CFAP74: variants seen among roughly 807,000 people sequenced by gnomAD.
The protein encoded by CFAP74 is cilia- and flagella-associated protein 74.
Under a neutral mutation model 188.9 loss-of-function variants are expected in CFAP74, and 124 were observed. That is an observed-to-expected ratio of 0.66 (90% confidence interval 0.57 to 0.76). The LOEUF (loss-of-function observed/expected upper bound fraction) is 0.76. CFAP74 is among the 30% of genes least tolerant of loss of function. CFAP74 has a pLI of 0.00. For missense variants in CFAP74, 2,198 were observed against 2,165.2 expected (o/e 1.02, Z -0.30); for synonymous variants, 956 against 916.7 (o/e 1.04, Z -0.77).
rs367731790 is a variant in CFAP74 at position 1,923,010 on chromosome 1, C to T, written c.4658G>A (p.Arg1553Gln). 19 of 1,592,086 alleles carry T rather than the reference C, an allele frequency of 1.2e-5. No individual in the cohort carries two copies. Among genetic ancestry groups the T allele is most frequent in the East Asian group, 4.5e-5 (2 of 44,656 alleles). The change falls in exon 37 of 39, where the codon CGG becomes CAG. Residue 1553 changes from arginine to glutamine, a missense_variant. Coordinates refer to ENST00000682832, the MANE Select transcript of CFAP74 (RefSeq NM_001304360.2). The surrounding 1 kb of genome is among the most constrained non-coding windows in gnomAD (Gnocchi z 6.3). ...CTTCTTTGGAGATGGCTGGGTGGTC[C>T]GGATACAGCCCACCTGCAGCTCTCG... ...ATRELQVGCI[R>Q]TTQPSPKKTV...
intron 18 of CFAP74, among the ~76,000 whole-genome samples, chr1:1,948,972 CCT>C (rs1654007396): frequency 1.5e-5 from 1 of 68,022 alleles, no homozygotes; most frequent in East Asian, 6.0e-4. Flanking sequence ...CTTCCTTCCT[CCT>C]TCCCTCCCTC....
intron 9 of CFAP74, among the ~76,000 whole-genome samples, chr1:1,971,114 CACAT>C (rs1655980930): frequency 6.7e-6 from 1 of 150,174 alleles, no homozygotes; most frequent in African/African-American, 2.4e-5. Context: ...CGTGTGCACA[CACAT>C]GCTCACACGT....
At position 1,923,747 on chromosome 1, in the gene CFAP74, G is replaced by C. The variant is rs1231033398; in HGVS notation, c.4389+28C>G. On this transcript the variant is annotated intron_variant, in intron 35 of 38. Transcript: ENST00000682832. The surrounding 1 kb of genome is among the most constrained non-coding windows in gnomAD (Gnocchi z 6.3). Reference sequence around the variant, plus strand: ...CCTGCGTGGGGCCAGGGCCGGGCCGGGCTGAGCTTGCAGAGCCAGAGCCGC... The same window carrying C: ...CCTGCGTGGGGCCAGGGCCGGGCCGCGCTGAGCTTGCAGAGCCAGAGCCGC... The C allele has an allele frequency of 6.2e-7, 1 of 1,612,976 alleles. No individual in the cohort carries two copies. The highest frequency in any genetic ancestry group is 8.5e-7 in the Non-Finnish European group (1 of 1,179,814).
intron 1 of CFAP74, among the ~76,000 whole-genome samples, chr1:2,001,742 T>C (rs1390932505): frequency 2.0e-5 from 3 of 152,156 alleles, no homozygotes; most frequent in African/African-American, 7.2e-5. Flanking sequence ...GTGACCACTG[T>C]GAGCCACTGA....
rs546268061 is a variant in CFAP74, at chr1:1,924,455, C to G, written c.4170G>C (p.Arg1390=). 4 of 1,589,306 alleles carry G rather than the reference C, an allele frequency of 2.5e-6. No individual in the cohort carries two copies. The highest frequency in any genetic ancestry group is 3.4e-6 in the Non-Finnish European group (4 of 1,170,836). The stretch of plus-strand genomic sequence containing the variant: ...GCGGCAGCTGCTGCTGGCCCCGGCC[C>G]CGGGTGCTGGAGAGGCTGTCCAGGT... ...SMHLDSLSST[R]GRGQQQLPQF... The change falls in exon 34 of 39, where the codon CGG becomes CGC. Residue 1390 remains arginine (R), a synonymous_variant. Transcript: ENST00000682832.
intron 16 of CFAP74, among the ~76,000 whole-genome samples, chr1:1,957,774 C>T (rs1053655002): frequency 1.8e-5 from 2 of 111,726 alleles, no homozygotes; most frequent in Non-Finnish European, 3.2e-5. Flanking sequence ...TGCGGGGGGG[C>T]GGGGGACTTC....
intron 1 of CFAP74, 141 bp from the exon 2 acceptor site, chr1:1,991,116 A>G (rs28542278): frequency 0.044 from 26,258 of 594,744 alleles, 3,395 homozygotes; most frequent in African/African-American, 0.34. Context: ...CATATCTGAC[A>G]CAAGTCTTAC....
chr1:1,993,459 T>C (rs1657715082), intron 1 of CFAP74, among the ~76,000 whole-genome samples: 1 of 151,480 alleles, frequency 6.6e-6, no homozygotes, highest in African/African-American at 2.4e-5. Flanking sequence ...CTGATTTTTG[T>C]ATTTTCTGTA....
chr1:2,001,667 G>A (rs1658217594), intron 1 of CFAP74, among the ~76,000 whole-genome samples: 1 of 152,194 alleles, frequency 6.6e-6, no homozygotes, highest in African/African-American at 2.4e-5. Context: ...ACTTCCCAGT[G>A]GAGATGTTGG....
At position 1,973,042 on chromosome 1, in the gene CFAP74, G is replaced by T. The variant is rs779962729; in HGVS notation, c.680C>A (p.Ser227Tyr). 1 of 1,612,912 alleles carries T rather than the reference G, an allele frequency of 6.2e-7. No individual in the cohort carries two copies. Among genetic ancestry groups the T allele is most frequent in the Non-Finnish European group, 8.5e-7 (1 of 1,179,200 alleles). Residue 227 changes from serine (S) to tyrosine (Y), a missense_variant, in exon 8 of 39, where the codon TCC (serine) becomes TAC (tyrosine). Physicochemically the swap from Ser to Tyr is moderately radical, Grantham distance 144. Coordinates refer to ENST00000682832, the MANE Select transcript of CFAP74 (RefSeq NM_001304360.2). The surrounding 1 kb of genome is among the most constrained non-coding windows in gnomAD (Gnocchi z 6.2). Reference sequence around the variant, plus strand: ...CCCGAGCTCCTTCTGGGTGTTCAGGGACTTCCTGTGGGGATATGGGGCCGT... The same window carrying T: ...CCCGAGCTCCTTCTGGGTGTTCAGGTACTTCCTGTGGGGATATGGGGCCGT... ...ERNRLLRIRKSLNTQKELGLR... is the reference protein window; with the variant it reads ...ERNRLLRIRKYLNTQKELGLR...
chr1:1,937,392 G>A (rs1022558650), intron 25 of CFAP74, among the ~76,000 whole-genome samples: 3 of 152,184 alleles, frequency 2.0e-5, no homozygotes, highest in Non-Finnish European at 4.4e-5. Context: ...AACGCACCTG[G>A]CGTCTTCAAT....
chr1:1,930,075 G>A lies in CFAP74; in HGVS notation c.3273C>T (p.Thr1091=), dbSNP rs1187593562. ...CCACACCCACCTTTCCTGGCCACAC[G>A]GTCCCCACTGAGGGCGAGATGGTGA... ...SPITISPSVG[T]VWPGKRCLVQ... The change falls in exon 26 of 39, where the codon ACC becomes ACT. Residue 1091 remains threonine, a synonymous_variant. Transcript: ENST00000682832. 5.2e-6 allele frequency: 8 copies of A among 1,524,668 alleles called. No individual in the cohort carries two copies. Among genetic ancestry groups the A allele is most frequent in the South Asian group, 2.4e-5 (2 of 83,484 alleles). 94.4% of individuals were successfully genotyped at this position (1,524,668 alleles called of 1,614,324 possible). A position where few individuals can be genotyped will look rare whatever the true frequency, so the allele number is the denominator to read the frequency against.
chr1:1,944,369 A>G lies in CFAP74; in HGVS notation c.2448T>C (p.Tyr816=). 6.5e-7 allele frequency: 1 copy of G among 1,536,070 alleles called. No individual in the cohort carries two copies. The highest frequency in any genetic ancestry group is 8.7e-7 in the Non-Finnish European group (1 of 1,146,896). ...GCACAGAGTCCTGGTAGAGCCGGTCATACATGCAGATCTTCAGGTCCACGC... is the reference window on the plus strand; with the variant it reads ...GCACAGAGTCCTGGTAGAGCCGGTCGTACATGCAGATCTTCAGGTCCACGC... The part of the protein sequence containing the change: ...KPSVDLKICM[Y]DRLYQDSVLV... Residue 816 remains tyrosine (Y), a synonymous_variant, in exon 21 of 39, where the codon TAT becomes TAC. Transcript: ENST00000682832.
chr1:1,948,010 T>C (rs1342240218), intron 18 of CFAP74, among the ~76,000 whole-genome samples: 4 of 152,096 alleles, frequency 2.6e-5, no homozygotes, highest in Non-Finnish European at 2.9e-5. Context: ...GTAGCTGGGA[T>C]TACACGCACC....
chr1:1,971,183 G>A (rs35519326), intron 9 of CFAP74, among the ~76,000 whole-genome samples: 31,802 of 146,334 alleles, frequency 0.22, 3,458 homozygotes, highest in Middle Eastern at 0.38. Context: ...CTGCACACAC[G>A]TGCACAGACG....
chr1:1,924,454 C>CCCGGGTGCTGGAGAGGCTGT lies in CFAP74; in HGVS notation c.4151_4170dup (p.Gly1391ThrfsTer88), dbSNP rs1553214878. On this transcript the variant is annotated frameshift_variant, in exon 34 of 39. Coordinates refer to ENST00000682832, the MANE Select transcript of CFAP74 (RefSeq NM_001304360.2). LOFTEE classifies it high-confidence loss of function. ...TGCGGCAGCTGCTGCTGGCCCCGGC[C>CCCGGGTGCTGGAGAGGCTGT]CCGGGTGCTGGAGAGGCTGTCCAGG... 1.9e-6 allele frequency: 3 copies of CCCGGGTGCTGGAGAGGCTGT among 1,584,570 alleles called. No homozygotes were observed. Among genetic ancestry groups the CCCGGGTGCTGGAGAGGCTGT allele is most frequent in the Non-Finnish European group, 2.6e-6 (3 of 1,168,124 alleles).
chr1:1,993,295 A>AT (rs1252757548), intron 1 of CFAP74, among the ~76,000 whole-genome samples: 5 of 144,732 alleles, frequency 3.5e-5, no homozygotes, highest in African/African-American at 1.0e-4. Context: ...ACTTTCTTTT[A>AT]TTTTTTTGAG....
chr1:2,002,428 T>C (rs4434797), intron 1 of CFAP74, among the ~76,000 whole-genome samples: 131,076 of 151,196 alleles, frequency 0.87, 57,259 homozygotes, highest in African/African-American at 0.97. Context: ...CGCCTGTAAT[T>C]CCAGCACTTT....
chr1:1,952,580 G>A (rs1439128493), intron 18 of CFAP74, among the ~76,000 whole-genome samples: 3 of 138,796 alleles, frequency 2.2e-5, no homozygotes, highest in African/African-American at 8.8e-5. Context: ...AAGAGAGAAA[G>A]AAGCAAAGAA....
Sources: gnomAD v4.1 joint callset for allele counts (sites outside exome capture counted in the v4.1 genomes callset) on GRCh38, gnomAD v4.1.1 for gene constraint, Gnocchi (gnomAD v3.1) non-coding constraint, MANE v1.5 for transcripts, NCBI Gene and HGNC (gene_info 2026-07-23, HGNC 2026-07-21) for gene names.